NUP35: variants seen among roughly 807,000 people sequenced by gnomAD.
NUP35 encodes the protein nucleoporin NUP35.
In NUP35, 25 loss-of-function variants were observed where a neutral mutation model predicts 41.5. The ratio of observed to expected loss-of-function variants is 0.60; its 90% CI spans 0.44 to 0.84. The LOEUF is 0.84. NUP35 is among the 40% of genes least tolerant of loss of function. The pLI is 0.00. For missense variants in NUP35, 396 were observed against 396.6 expected (o/e 1.00, Z 0.01); for synonymous variants, 149 against 130.7 (o/e 1.14, Z -0.96).
intron 5 of NUP35, among the ~76,000 whole-genome samples, chr2:183,155,420 A>G (rs1303520698): frequency 6.6e-6 from 1 of 152,046 alleles, no homozygotes; most frequent in Non-Finnish European, 1.5e-5. Context: ...GAGAGATTTT[A>G]TGTGTTATTG....
chr2:183,123,757 G>GA, upstream of NUP35: 2 of 984,950 alleles, frequency 2.0e-6, no homozygotes, highest in Non-Finnish European at 2.4e-6. Flanking sequence ...GCAGCAAAGT[G>GA]AGGGGACGTG....
intron 4 of NUP35, among the ~76,000 whole-genome samples, chr2:183,146,073 T>G (rs538302268): frequency 6.6e-6 from 1 of 152,140 alleles, no homozygotes; most frequent in Middle Eastern, 3.4e-3. Context: ...TCGTCTCTAT[T>G]AAAAATACAA....
chr2:183,136,494 T>C (rs1040439135), intron 4 of NUP35, among the ~76,000 whole-genome samples: 1 of 152,196 alleles, frequency 6.6e-6, no homozygotes, highest in Non-Finnish European at 1.5e-5. Context: ...CTTAAGATGT[T>C]AACTTCTAGA....
intron 7 of NUP35, among the ~76,000 whole-genome samples, chr2:183,158,994 T>A (rs1685773242): frequency 6.6e-6 from 1 of 152,144 alleles, no homozygotes; most frequent in Admixed American, 6.5e-5. Context: ...TTCCAGGCAT[T>A]GTGCTTGGTG....
chr2:183,121,965 G>A (rs534717123), upstream of NUP35, among the ~76,000 whole-genome samples: 191 of 110,964 alleles, frequency 1.7e-3, no homozygotes, highest in African/African-American at 5.0e-3. Flanking sequence ...TGTGCACAAC[G>A]TGCAGGTTTG....
At chr2:183,131,799 T>C (rs1475212605) in intron 3 of NUP35, among the ~76,000 whole-genome samples, 1 of 152,230 alleles carries the variant, frequency 6.6e-6, no homozygotes, top group Non-Finnish European at 1.5e-5. Flanking sequence ...AAATTTCACC[T>C]GTTTGTACTT....
chr2:183,158,017 G>T (rs926877009), intron 6 of NUP35, among the ~76,000 whole-genome samples: 1 of 147,336 alleles, frequency 6.8e-6, no homozygotes, highest in African/African-American at 2.5e-5. Context: ...TAACTTTATG[G>T]CAAGTGTTGC....
upstream of NUP35, among the ~76,000 whole-genome samples, chr2:183,122,346 G>T (rs1411236942): frequency 1.3e-5 from 2 of 152,150 alleles, no homozygotes; most frequent in Non-Finnish European, 2.9e-5. Context: ...AAAGTGCTGG[G>T]ATTACAGGCA....
intron 4 of NUP35, among the ~76,000 whole-genome samples, chr2:183,140,196 G>T (rs1027375508): frequency 2.6e-5 from 4 of 152,134 alleles, no homozygotes; most frequent in Admixed American, 6.5e-5. Flanking sequence ...CAAGATGTTA[G>T]CAGGACTGCA....
chr2:183,153,855 A>T (rs916390878), intron 5 of NUP35, among the ~76,000 whole-genome samples: 2 of 152,264 alleles, frequency 1.3e-5, no homozygotes, highest in East Asian at 3.9e-4. Flanking sequence ...TCCCTTCCGC[A>T]CTGCCCTAGC....
chr2:183,124,859 C>T (rs1367482453), intron 1 of NUP35, among the ~76,000 whole-genome samples: 1 of 152,196 alleles, frequency 6.6e-6, no homozygotes, highest in Non-Finnish European at 1.5e-5. Flanking sequence ...TGCTGGTCCC[C>T]AGAAGCATCC....
upstream of NUP35, among the ~76,000 whole-genome samples, chr2:183,120,751 G>A (rs1201897659): frequency 6.6e-6 from 1 of 152,102 alleles, no homozygotes; most frequent in East Asian, 1.9e-4. Context: ...TCTGAATTGA[G>A]GTTCGTCTGA....
chr2:183,125,839 C>G (rs1175209503), intron 1 of NUP35, among the ~76,000 whole-genome samples: 2 of 152,198 alleles, frequency 1.3e-5, no homozygotes, highest in Non-Finnish European at 2.9e-5. Flanking sequence ...TTGACTTCAA[C>G]AAACTGCTAG....
At chr2:183,140,822 CAAAA>C (rs34256493) in intron 4 of NUP35, among the ~76,000 whole-genome samples, 3 of 89,530 alleles carry the variant, frequency 3.4e-5, no homozygotes, top group Admixed American at 1.4e-4. Context: ...AAACTCCATT[CAAAA>C]AAAAAAAAAA....
intron 4 of NUP35, among the ~76,000 whole-genome samples, chr2:183,134,916 G>A (rs35290003): frequency 0.16 from 24,303 of 151,682 alleles, 2,285 homozygotes; most frequent in African/African-American, 0.25. Context: ...GAGCCACCGC[G>A]CCCAGCTGGC....
chr2:183,158,078 A>G (rs1341404278), intron 6 of NUP35, among the ~76,000 whole-genome samples: 1 of 152,096 alleles, frequency 6.6e-6, no homozygotes, highest in East Asian at 1.9e-4. Context: ...ACTTTCAGAG[A>G]ATATGTACAT....
intron 4 of NUP35, among the ~76,000 whole-genome samples, chr2:183,139,648 T>C (rs921355741): frequency 5.3e-5 from 8 of 152,060 alleles, no homozygotes; most frequent in Non-Finnish European, 8.8e-5. Flanking sequence ...AATTTGAAAC[T>C]GAAGAGGAAG....
intron 5 of NUP35, among the ~76,000 whole-genome samples, chr2:183,153,602 C>T (rs146978922): frequency 3.2e-3 from 493 of 152,302 alleles, no homozygotes; most frequent in African/African-American, 4.8e-3. Context: ...ATCCAGGTCA[C>T]GCTGATGCAA....
chr2:183,153,172 C>G (rs1685529137), intron 5 of NUP35, among the ~76,000 whole-genome samples: 1 of 152,172 alleles, frequency 6.6e-6, no homozygotes. Context: ...CTGGGTTCCT[C>G]CCACAACACA....
Sources: gnomAD v4.1 joint callset for allele counts (sites outside exome capture counted in the v4.1 genomes callset) on GRCh38, gnomAD v4.1.1 for gene constraint, MANE v1.5 for transcripts, NCBI Gene and HGNC (gene_info 2026-07-23, HGNC 2026-07-21) for gene names.